SMARCC1: variants seen among roughly 807,000 people sequenced by gnomAD.
SMARCC1 encodes the protein SWI/SNF related BAF chromatin remodeling complex subunit C1, also known as SWI/SNF complex subunit SMARCC1.
Under a neutral mutation model 147.4 loss-of-function variants are expected in SMARCC1, and 43 were observed. The ratio of observed to expected loss-of-function variants is 0.29; its 90% CI spans 0.23 to 0.38. SMARCC1 has a LOEUF of 0.38. SMARCC1 is among the 10% of genes least tolerant of loss of function. The pLI is 1.00. For synonymous variants in SMARCC1, 495 were observed against 484.4 expected, an observed-to-expected ratio of 1.02 and a Z score of -0.29; for missense variants, 1,119 against 1,381.1, an observed-to-expected ratio of 0.81 and a Z score of 3.01.
intron 4 of SMARCC1, among the ~76,000 whole-genome samples, chr3:47,737,634 G>GT (rs1471542355): frequency 6.6e-6 from 1 of 151,210 alleles, no homozygotes; most frequent in Non-Finnish European, 1.5e-5. Flanking sequence ...GGTTTTTTTT[G>GT]TTTTTTTGAG....
chr3:47,704,275 A>C (rs1466270924), intron 10 of SMARCC1, among the ~76,000 whole-genome samples: 1 of 152,206 alleles, frequency 6.6e-6, no homozygotes, highest in Non-Finnish European at 1.5e-5. Context: ...GAATGAAACA[A>C]AAGTTGGGAA....
chr3:47,602,291 C>CA (rs1217269683), intron 26 of SMARCC1, among the ~76,000 whole-genome samples: 4 of 151,788 alleles, frequency 2.6e-5, no homozygotes, highest in Admixed American at 1.3e-4. Flanking sequence ...AACCCTGTCT[C>CA]AAAAAAAAGT....
intron 11 of SMARCC1, among the ~76,000 whole-genome samples, chr3:47,693,666 T>C (rs2033816171): frequency 6.6e-6 from 1 of 152,130 alleles, no homozygotes; most frequent in African/African-American, 2.4e-5. Flanking sequence ...AACTAATACC[T>C]TTTTAGTTTG....
At chr3:47,693,573 A>G (rs1253080106) in intron 11 of SMARCC1, among the ~76,000 whole-genome samples, 2 of 152,160 alleles carry the variant, frequency 1.3e-5, no homozygotes, top group African/African-American at 4.8e-5. Context: ...CTTCCACAAA[A>G]GTTTTTTTTA....
Position 47,727,238 on chromosome 3 carries a change from G to A in SMARCC1, c.646+1787C>T, listed in dbSNP as rs1291194924. ...AAAACAAAAAAACTGGCCGGGCACG[G>A]TGGCTAACGCCTATAATCCCAGCAC... On this transcript the variant is annotated intron_variant, in intron 6 of 27. Transcript: ENST00000254480. 2.0e-5 allele frequency among the ~76,000 whole-genome samples: 3 copies of A among 151,826 alleles called. No individual in the cohort carries two copies. The East Asian group carries it at 5.8e-4, about 29-fold the overall frequency.
intron 14 of SMARCC1, among the ~76,000 whole-genome samples, chr3:47,681,153 G>C (rs1446746468): frequency 6.6e-6 from 1 of 152,014 alleles, no homozygotes; most frequent in Non-Finnish European, 1.5e-5. Flanking sequence ...TTGAAAAATG[G>C]TGACAAAAAC....
chr3:47,660,260 C>T (rs1286838093), intron 21 of SMARCC1, among the ~76,000 whole-genome samples: 1 of 151,748 alleles, frequency 6.6e-6, no homozygotes, highest in African/African-American at 2.4e-5. Flanking sequence ...TCCTGGCCAA[C>T]ATGGTGAAAC....
rs769728629 is a variant in SMARCC1 at position 47,661,474 on chromosome 3, T to C, written c.2159-19A>G. On this transcript the variant is annotated intron_variant, in intron 20 of 27. Coordinates refer to ENST00000254480, the MANE Select transcript of SMARCC1 (RefSeq NM_003074.4). The stretch of plus-strand genomic sequence containing the variant: ...AACTCCTCTGGTTCAAGAATAAAAA[T>C]GGAACAGCAATCTAACTTTGCACAA... 6 of 1,587,850 alleles carry C rather than the reference T, an allele frequency of 3.8e-6. 1 individual carries two copies. Among genetic ancestry groups the C allele is most frequent in the Non-Finnish European group, 5.1e-6 (6 of 1,171,286 alleles).
intron 25 of SMARCC1, among the ~76,000 whole-genome samples, chr3:47,619,047 G>C (rs1191674470): frequency 2.0e-5 from 3 of 152,042 alleles, no homozygotes; most frequent in African/African-American, 7.2e-5. Flanking sequence ...ATGTCAAAAG[G>C]GAAGCTTATT....
Position 47,587,848 on chromosome 3 carries a change from A to G in SMARCC1, c.*361T>C, listed in dbSNP as rs1403990731. On this transcript the variant is annotated 3_prime_UTR_variant, in exon 28 of 28. Coordinates refer to ENST00000254480, the MANE Select transcript of SMARCC1 (RefSeq NM_003074.4). The stretch of plus-strand genomic sequence containing the variant: ...TATATAGCATTATCCATAGAAGCAT[A>G]AGACAAAGCAAAAAACTGCAAGAGA... The G allele has an allele frequency of 1.3e-5, 3 of 235,020 alleles. No homozygotes were observed. Among genetic ancestry groups the G allele is most frequent in the African/African-American group, 7.0e-5 (3 of 42,844 alleles). 14.6% of individuals were successfully genotyped at this position (235,020 alleles called of 1,614,324 possible).
intron 11 of SMARCC1, among the ~76,000 whole-genome samples, chr3:47,697,733 C>A (rs1559648080): frequency 1.3e-5 from 2 of 151,570 alleles, no homozygotes; most frequent in African/African-American, 4.8e-5. Flanking sequence ...TCTGGACGGG[C>A]ACAGTGGCTC....
intron 14 of SMARCC1, among the ~76,000 whole-genome samples, chr3:47,683,116 T>A (rs532333885): frequency 2.0e-5 from 3 of 152,300 alleles, no homozygotes; most frequent in South Asian, 4.1e-4. Context: ...GATCTCAGCT[T>A]ACTGCAAGTT....
intron 2 of SMARCC1, among the ~76,000 whole-genome samples, chr3:47,758,730 T>A (rs556920263): frequency 3.1e-4 from 47 of 152,226 alleles, no homozygotes; most frequent in African/African-American, 6.3e-4. Flanking sequence ...TTAATTTATT[T>A]ATTTATTTAG....
intron 3 of SMARCC1, among the ~76,000 whole-genome samples, chr3:47,742,371 A>G (rs2034519055): frequency 6.6e-6 from 1 of 152,076 alleles, no homozygotes; most frequent in African/African-American, 2.4e-5. Context: ...TCAACTCTCT[A>G]TTACTTAATT....
rs368725247 is a variant in SMARCC1, at chr3:47,613,517, G to A, written c.2782-3190C>T. On this transcript the variant is annotated intron_variant, in intron 25 of 27. Transcript: ENST00000254480. ...TGGGATTACAGGTGCCCACTACCAC[G>A]CCCAGCTAATTTTTGTATTTTTAGT... Among the ~76,000 whole-genome samples, 23 of 150,966 alleles carry A rather than the reference G, an allele frequency of 1.5e-4. No individual in the cohort carries two copies. The East Asian group carries it at 1.8e-3, about 12-fold the overall frequency.
chr3:47,781,492 T>C, intron 1 of SMARCC1, 111 bp downstream of exon 1: 7 of 695,900 alleles, frequency 1.0e-5, no homozygotes, highest in Non-Finnish European at 1.4e-5. Flanking sequence ...CCTGCCTTTG[T>C]TGTCCCTCGT....
intron 2 of SMARCC1, among the ~76,000 whole-genome samples, chr3:47,752,751 C>T (rs2034642538): frequency 1.3e-5 from 2 of 152,114 alleles, no homozygotes; most frequent in South Asian, 4.2e-4. Context: ...GATCACAGTC[C>T]TGTCTGAAAA....
At position 47,772,827 on chromosome 3, in the gene SMARCC1, G is replaced by C. The variant is rs1451532622; in HGVS notation, c.305C>G (p.Thr102Ser). Residue 102 changes from threonine (T) to serine (S), a missense_variant, in exon 2 of 28, where the codon ACC becomes AGC. This residue lies in a region of SMARCC1 where 542 missense variants were observed against 611.8 expected (regional missense o/e 0.89). Transcript: ENST00000254480. Reference protein sequence around the residue: ...FGKHVTNPAFTKLPAKCFMDF... With the variant: ...FGKHVTNPAFSKLPAKCFMDF... Reference sequence around the variant, plus strand: ...AGCTGATGTACTTACAGGGAGTTTGGTGAAGGCCGGGTTGGTGACATGCTT... The same window carrying C: ...AGCTGATGTACTTACAGGGAGTTTGCTGAAGGCCGGGTTGGTGACATGCTT... 1 of 1,612,342 alleles carries C rather than the reference G, an allele frequency of 6.2e-7. No individual in the cohort carries two copies. Among genetic ancestry groups the C allele is most frequent in the East Asian group, 2.2e-5 (1 of 44,820 alleles).
chr3:47,730,087 A>G (rs1275577975), intron 5 of SMARCC1, among the ~76,000 whole-genome samples: 3 of 152,114 alleles, frequency 2.0e-5, no homozygotes, highest in Admixed American at 2.0e-4. Flanking sequence ...GCTGAGGCAG[A>G]AGAATCACTT....
Sources: allele counts gnomAD v4.1 joint callset (sites outside exome capture counted in the v4.1 genomes callset), GRCh38; gene constraint gnomAD v4.1.1; regional missense constraint gnomAD v4.1.1; transcripts MANE v1.5; gene names NCBI Gene and HGNC (gene_info 2026-07-23, HGNC 2026-07-21).